Variants in RALYL observed in about 807,000 individuals in gnomAD.
RALYL encodes the protein RALY RNA binding protein like, also known as RNA-binding Raly-like protein.
Under a neutral mutation model 35.1 loss-of-function variants are expected in RALYL, and 29 were observed. The observed-to-expected ratio is 0.83, with a 90% CI of 0.61 to 1.13. The LOEUF (loss-of-function observed/expected upper bound fraction) is 1.13, where lower values mean the gene tolerates loss of function less well. Ranked by LOEUF, RALYL falls within the 50% of genes most tolerant of loss-of-function variation. The pLI is 0.00. For synonymous variants in RALYL, 120 were observed against 127.6 expected, an observed-to-expected ratio of 0.94 and a Z score of 0.40; for missense variants, 359 against 360.4, an observed-to-expected ratio of 1.00 and a Z score of 0.03.
intron 1 of RALYL, among the ~76,000 whole-genome samples, chr8:84,501,867 A>T (rs2056702533): frequency 2.0e-5 from 3 of 150,562 alleles, no homozygotes; most frequent in South Asian, 4.1e-4. Flanking sequence ...ATAATATCAT[A>T]TTATGTTATT....
At chr8:84,875,187 C>T (rs1840909290) in intron 7 of RALYL, among the ~76,000 whole-genome samples, 1 of 152,136 alleles carries the variant, frequency 6.6e-6, no homozygotes, top group Non-Finnish European at 1.5e-5. Flanking sequence ...TTGCCTAAAT[C>T]AATATTTCCC....
chr8:84,256,940 G>A (rs1425504927), intron 1 of RALYL, among the ~76,000 whole-genome samples: 3 of 151,584 alleles, frequency 2.0e-5, no homozygotes, highest in Non-Finnish European at 4.4e-5. Context: ...TTATTTTGAG[G>A]ATTAAATGAG....
chr8:84,699,066 G>A (rs1839741912), intron 2 of RALYL, among the ~76,000 whole-genome samples: 1 of 148,988 alleles, frequency 6.7e-6, no homozygotes, highest in Admixed American at 6.7e-5. Context: ...AGGATAAATA[G>A]ATAACAGATG....
At chr8:84,442,893 C>G (rs1050310166) in intron 1 of RALYL, among the ~76,000 whole-genome samples, 2 of 152,096 alleles carry the variant, frequency 1.3e-5, no homozygotes, top group African/African-American at 4.8e-5. Flanking sequence ...ACCAAAATGC[C>G]TGGCTTTCAG....
chr8:84,715,221 A>G (rs1385388361), intron 2 of RALYL, among the ~76,000 whole-genome samples: 2 of 151,938 alleles, frequency 1.3e-5, no homozygotes, highest in Non-Finnish European at 2.9e-5. Flanking sequence ...AATGTTTACC[A>G]TATGTCAGGC....
chr8:84,716,317 A>T (rs1034226425), intron 2 of RALYL, among the ~76,000 whole-genome samples: 4 of 152,154 alleles, frequency 2.6e-5, no homozygotes, highest in Non-Finnish European at 5.9e-5. Flanking sequence ...CATACATACT[A>T]CATGGAATAT....
intron 2 of RALYL, among the ~76,000 whole-genome samples, chr8:84,555,151 C>A (rs534301664): frequency 6.6e-6 from 1 of 152,060 alleles, no homozygotes; most frequent in Non-Finnish European, 1.5e-5. Flanking sequence ...TGGTGGCACA[C>A]GCCTGTAATC....
chr8:84,852,929 G>T lies in RALYL; in HGVS notation c.413+2902G>T, dbSNP rs149523928. Among the ~76,000 whole-genome samples, 7 of 152,166 alleles carry T rather than the reference G, an allele frequency of 4.6e-5. No individual in the cohort carries two copies. In the East Asian group the frequency reaches 1.4e-3, roughly 29 times the overall value. On this transcript the variant is annotated intron_variant, in intron 5 of 8. Transcript: ENST00000521268. ...ACAACAACAACAACAAAAACCATGG[G>T]GAGTTGTGCTCTACTACAAGGGTTT...
intron 2 of RALYL, among the ~76,000 whole-genome samples, chr8:84,729,983 G>A (rs1031464109): frequency 6.6e-6 from 1 of 152,108 alleles, no homozygotes; most frequent in Non-Finnish European, 1.5e-5. Context: ...CATTCCTTCT[G>A]AAACTATTCC....
chr8:84,183,338 T>C lies in RALYL; in HGVS notation c.-1110T>C. 1 of 154,496 alleles carries C rather than the reference T, an allele frequency of 6.5e-6. No individual in the cohort carries two copies. Among genetic ancestry groups the C allele is most frequent in the Non-Finnish European group, 1.4e-5 (1 of 69,184 alleles). 9.6% of individuals were successfully genotyped at this position (154,496 alleles called of 1,614,324 possible). A position where few individuals can be genotyped will look rare whatever the true frequency, so the allele number is the denominator to read the frequency against. ...GCTGCCGCCACTGGTGTTGCCGCTC[T>C]CAGGCGCCAGGCTCCCCGTCGCCGC... On this transcript the variant is annotated 5_prime_UTR_variant, in exon 1 of 9. Transcript: ENST00000521268.
In RALYL at chr8:84,913,227, T is replaced by C. The variant is rs542700105; in HGVS notation, c.859-7667T>C. On this transcript the variant is annotated intron_variant, in intron 8 of 8. Coordinates refer to ENST00000521268, the MANE Select transcript of RALYL (RefSeq NM_173848.7). Reference sequence around the variant, plus strand: ...AGTTCAGTCTAGTCATCATGAGTCTTGTGGATTACCCCAGTCAAATCCCAA... The same window carrying C: ...AGTTCAGTCTAGTCATCATGAGTCTCGTGGATTACCCCAGTCAAATCCCAA... Among the ~76,000 whole-genome samples, 9 of 152,052 alleles carry C rather than the reference T, an allele frequency of 5.9e-5. No individual in the cohort carries two copies. The East Asian group carries it at 1.4e-3, about 23-fold the overall frequency.
chr8:84,435,341 C>T (rs774283703), intron 1 of RALYL, among the ~76,000 whole-genome samples: 1 of 152,040 alleles, frequency 6.6e-6, no homozygotes, highest in South Asian at 2.1e-4. Context: ...AACATTATCC[C>T]TCTATTATTG....
intron 4 of RALYL, among the ~76,000 whole-genome samples, chr8:84,825,689 G>A (rs1044256748): frequency 2.6e-5 from 4 of 151,918 alleles, no homozygotes; most frequent in Admixed American, 2.6e-4. Flanking sequence ...CTAACATGGT[G>A]AAACCCCATC....
intron 2 of RALYL, among the ~76,000 whole-genome samples, chr8:84,597,454 T>C (rs1347280435): frequency 6.6e-6 from 1 of 152,062 alleles, no homozygotes; most frequent in Non-Finnish European, 1.5e-5. Flanking sequence ...ACTCCCAATA[T>C]CCTTGTTCAG....
intron 2 of RALYL, among the ~76,000 whole-genome samples, chr8:84,698,615 G>A (rs1839603777): frequency 2.6e-5 from 4 of 151,910 alleles, no homozygotes; most frequent in Admixed American, 2.6e-4. Context: ...ATAAAACACA[G>A]CAGAGGAAAG....
chr8:84,822,475 A>G (rs1291247894), intron 4 of RALYL, among the ~76,000 whole-genome samples: 16 of 152,286 alleles, frequency 1.1e-4, no homozygotes, highest in African/African-American at 3.1e-4. Flanking sequence ...TAAGTGCATC[A>G]ATTCAACATT....
chr8:84,862,594 A>AT (rs1838333492), intron 6 of RALYL, 141 bp downstream of exon 6: 1 of 665,012 alleles, frequency 1.5e-6, no homozygotes, highest in Non-Finnish European at 2.2e-6. Flanking sequence ...CATAAGATGG[A>AT]TAAAAAATGG....
chr8:84,627,750 C>T, intron 2 of RALYL, among the ~76,000 whole-genome samples: 2 of 151,968 alleles, frequency 1.3e-5, no homozygotes, highest in South Asian at 4.2e-4. Context: ...ACTTTCCCAC[C>T]ATAATGAATG....
chr8:84,838,891 T>C (rs1343785682), intron 4 of RALYL, among the ~76,000 whole-genome samples: 1 of 152,240 alleles, frequency 6.6e-6, no homozygotes, highest in Non-Finnish European at 1.5e-5. Flanking sequence ...GATGAGTGTG[T>C]CGTATTTTCT....
Sources: allele counts gnomAD v4.1 joint callset (sites outside exome capture counted in the v4.1 genomes callset), GRCh38; gene constraint gnomAD v4.1.1; transcripts MANE v1.5; gene names NCBI Gene and HGNC (gene_info 2026-07-23, HGNC 2026-07-21).